The following NSMCE2 variants were observed in gnomAD, a reference collection of about 807,000 sequenced individuals.
The protein encoded by NSMCE2 is E3 SUMO-protein ligase NSE2.
A neutral mutation model predicts 23.8 loss-of-function variants in NSMCE2; 24 were observed. The ratio of observed to expected loss-of-function variants is 1.01; its 90% CI spans 0.73 to 1.42. NSMCE2 has a LOEUF of 1.42. Ranked by LOEUF, NSMCE2 falls within the 40% of genes most tolerant of loss-of-function variation. The probability of loss-of-function intolerance (pLI) is 0.00; values close to 1 mark genes in which losing one functional copy is unlikely to be tolerated. For synonymous variants in NSMCE2, 92 were observed against 94.1 expected, an observed-to-expected ratio of 0.98 and a Z score of 0.13; for missense variants, 284 against 296.5, an observed-to-expected ratio of 0.96 and a Z score of 0.31.
intron 3 of NSMCE2, 63 bp from the exon 4 acceptor site, chr8:125,151,108 C>G (rs1353445557): frequency 2.5e-6 from 2 of 808,638 alleles, no homozygotes; most frequent in East Asian, 2.5e-5. Flanking sequence ...TGTATTGATG[C>G]AACTTTTTCC....
intron 3 of NSMCE2, chr8:125,130,315 C>G (rs1469342124): frequency 1.1e-5 from 5 of 455,622 alleles, no homozygotes; most frequent in Admixed American, 9.4e-5. Flanking sequence ...CCTTGATCAC[C>G]TGGCCCTAGT....
intron 3 of NSMCE2, among the ~76,000 whole-genome samples, chr8:125,126,083 A>G (rs1268485887): frequency 6.6e-6 from 1 of 152,130 alleles, no homozygotes; most frequent in Non-Finnish European, 1.5e-5. Context: ...CTTGAAAACT[A>G]TAAAAGGGCA....
chr8:125,312,356 T>C (rs923703063), intron 5 of NSMCE2, among the ~76,000 whole-genome samples: 1 of 152,230 alleles, frequency 6.6e-6, no homozygotes, highest in Non-Finnish European at 1.5e-5. Context: ...CCGGGCATGG[T>C]GGCTCATGCC....
chr8:125,268,725 A>C (rs1318630511), intron 5 of NSMCE2, among the ~76,000 whole-genome samples: 1 of 152,216 alleles, frequency 6.6e-6, no homozygotes, highest in African/African-American at 2.4e-5. Flanking sequence ...ATGCCCTGGG[A>C]GGAATGGCCT....
intron 5 of NSMCE2, among the ~76,000 whole-genome samples, chr8:125,196,754 C>T (rs1823644325): frequency 5.9e-5 from 9 of 152,190 alleles, no homozygotes. Context: ...ATTTCTAGTT[C>T]TAGATCCTTG....
intron 3 of NSMCE2, among the ~76,000 whole-genome samples, chr8:125,138,420 C>T (rs1263693601): frequency 2.8e-4 from 43 of 151,526 alleles, no homozygotes; most frequent in Non-Finnish European, 1.5e-5. Flanking sequence ...GAGGTGGGGT[C>T]ATGCTTTGTT....
intron 3 of NSMCE2, among the ~76,000 whole-genome samples, chr8:125,133,286 T>C (rs1819866131): frequency 6.6e-6 from 1 of 152,196 alleles, no homozygotes; most frequent in Non-Finnish European, 1.5e-5. Flanking sequence ...AAAGTTTGTT[T>C]TAAAACAAAC....
At chr8:125,151,959 T>C (rs1054551161) in intron 4 of NSMCE2, among the ~76,000 whole-genome samples, 5 of 152,226 alleles carry the variant, frequency 3.3e-5, no homozygotes, top group Non-Finnish European at 7.3e-5. Flanking sequence ...TGTAATAGGA[T>C]GTCTTGTATT....
chr8:125,182,315 A>C (rs1225376269), intron 5 of NSMCE2, 59 bp downstream of exon 5: 1 of 1,277,266 alleles, frequency 7.8e-7, no homozygotes, highest in African/African-American at 1.5e-5. Context: ...TGACTTGATG[A>C]ACAGCCCCAG....
chr8:125,257,061 A>T (rs113323154), intron 5 of NSMCE2, among the ~76,000 whole-genome samples: 7,419 of 151,226 alleles, frequency 0.049, 256 homozygotes, highest in South Asian at 0.18. Flanking sequence ...AAGCGGGCAG[A>T]TCACTTGAGG....
intron 5 of NSMCE2, among the ~76,000 whole-genome samples, chr8:125,320,260 GGAA>G (rs59357489): frequency 0.33 from 24,143 of 73,504 alleles, 3,948 homozygotes; most frequent in Non-Finnish European, 0.42. Context: ...AGGGAAGGAA[GGAA>G]GGAAGGAAGG....
chr8:125,204,937 A>G (rs983579676), intron 5 of NSMCE2, among the ~76,000 whole-genome samples: 3 of 152,216 alleles, frequency 2.0e-5, no homozygotes, highest in African/African-American at 7.2e-5. Context: ...GCTCACAGGA[A>G]ACTGGCAAGA....
chr8:125,318,074 A>G (rs982050694), intron 5 of NSMCE2, among the ~76,000 whole-genome samples: 1 of 152,206 alleles, frequency 6.6e-6, no homozygotes. Flanking sequence ...AGTACCAATC[A>G]CCAGTAAGAA....
At chr8:125,146,839 A>G (rs1820703272) in intron 3 of NSMCE2, among the ~76,000 whole-genome samples, 1 of 152,158 alleles carries the variant, frequency 6.6e-6, no homozygotes, top group Non-Finnish European at 1.5e-5. Context: ...TGGCACATGT[A>G]TACATATGTA....
chr8:125,102,509 TTTGTGTC>T (rs767538066), intron 3 of NSMCE2, 22 bp downstream of exon 3: 3 of 1,599,732 alleles, frequency 1.9e-6, no homozygotes, highest in African/African-American at 2.7e-5. Flanking sequence ...TAAAACCTCT[TTTGTGTC>T]TACTTTGAGG....
chr8:125,293,943 C>A lies in NSMCE2; in HGVS notation c.419-63276C>A, dbSNP rs539357734. Among the ~76,000 whole-genome samples, 21 of 152,276 alleles carry A rather than the reference C, an allele frequency of 1.4e-4. No homozygotes were observed. In the South Asian group the frequency reaches 1.5e-3, roughly 11 times the overall value. The stretch of plus-strand genomic sequence containing the variant: ...TTTTCAAAAAGAAATCCTGTATAAT[C>A]CTGTATCTGTTAGCATTTACTTCCT... On this transcript the variant is annotated intron_variant, in intron 5 of 7. Coordinates refer to ENST00000287437, the MANE Select transcript of NSMCE2 (RefSeq NM_173685.4).
Position 125,363,542 on chromosome 8 carries a change from A to AAGAG in NSMCE2, c.627-3209_627-3206dup, listed in dbSNP as rs143065139. ...GAGGAGAGAAAGAAAGAAAGAAAGA[A>AAGAG]AGAGAGAGAGAGAGAGAGAGGGAGG... On this transcript the variant is annotated intron_variant, in intron 7 of 7. Coordinates refer to ENST00000287437, the MANE Select transcript of NSMCE2 (RefSeq NM_173685.4). Among the ~76,000 whole-genome samples the AAGAG allele has an allele frequency of 5.9e-3, 613 of 103,088 alleles. 6 individuals are homozygous for AAGAG. The highest frequency in any genetic ancestry group is 0.022 in the South Asian group (53 of 2,366). The allele number at this position is 103,088 out of a possible 152,430, so 67.6% of individuals were successfully genotyped here.
intron 5 of NSMCE2, among the ~76,000 whole-genome samples, chr8:125,215,667 G>A (rs1824549262): frequency 1.3e-5 from 2 of 152,082 alleles, no homozygotes; most frequent in South Asian, 4.1e-4. Context: ...TATGGTTTTA[G>A]GTCTAACGTT....
intron 5 of NSMCE2, among the ~76,000 whole-genome samples, chr8:125,274,379 T>G (rs1046171174): frequency 6.6e-6 from 1 of 152,136 alleles, no homozygotes; most frequent in African/African-American, 2.4e-5. Context: ...GTCACCTCAG[T>G]GATTTTTTTT....
Sources: gnomAD v4.1 joint callset for allele counts (sites outside exome capture counted in the v4.1 genomes callset) on GRCh38, gnomAD v4.1.1 for gene constraint, MANE v1.5 for transcripts, NCBI Gene and HGNC (gene_info 2026-07-23, HGNC 2026-07-21) for gene names.